SLC44A5: variants seen among roughly 807,000 people sequenced by gnomAD.
SLC44A5 encodes the protein solute carrier family 44 member 5.
SLC44A5 carries 57 observed loss-of-function variants against 101.8 expected under a neutral mutation model. The ratio of observed to expected loss-of-function variants is 0.56; its 90% confidence interval spans 0.45 to 0.70. SLC44A5 has a LOEUF of 0.70. SLC44A5 is among the 30% of genes least tolerant of loss of function. SLC44A5 has a pLI of 0.00. For synonymous variants in SLC44A5, 281 were observed against 290.9 expected (o/e 0.97, Z 0.35); for missense variants, 737 against 853.1 (o/e 0.86, Z 1.70).
At chr1:75,211,601 A>G (rs1646854156) in intron 22 of SLC44A5, 49 bp from the exon 23 acceptor site, 7 of 1,314,890 alleles carry the variant, frequency 5.3e-6, no homozygotes, top group Non-Finnish European at 7.7e-6. Flanking sequence ...CTTTGACCAG[A>G]AGAAGAATAA....
At chr1:75,356,526 A>G (rs1467215669) in intron 3 of SLC44A5, among the ~76,000 whole-genome samples, 2 of 152,096 alleles carry the variant, frequency 1.3e-5, no homozygotes, top group African/African-American at 4.8e-5. Flanking sequence ...AGACTCAAAA[A>G]GCTTAAATGA....
the SLC44A5 span, among the ~76,000 whole-genome samples, chr1:75,628,243 A>G: frequency 1.3e-3 from 200 of 152,176 alleles, no homozygotes; most frequent in African/African-American, 4.5e-3. Context: ...AACCTTCCCA[A>G]TTTGTTTCAC....
At chr1:75,218,354 A>G (rs995876090) in intron 17 of SLC44A5, 136 bp downstream of exon 17, 7 of 1,212,152 alleles carry the variant, frequency 5.8e-6, no homozygotes, top group Non-Finnish European at 8.1e-6. Flanking sequence ...GACAAAACCA[A>G]TGGGCATCCA....
At chr1:75,360,281 T>C (rs1462709424) in intron 3 of SLC44A5, among the ~76,000 whole-genome samples, 4 of 152,292 alleles carry the variant, frequency 2.6e-5, no homozygotes, top group African/African-American at 4.8e-5. Flanking sequence ...TGTTTTGTTC[T>C]AGTAGTTTTA....
At chr1:75,271,581 C>T (rs553446639) in intron 6 of SLC44A5, among the ~76,000 whole-genome samples, 67 of 150,916 alleles carry the variant, frequency 4.4e-4, no homozygotes, top group African/African-American at 1.6e-3. Flanking sequence ...GCTTTCTATT[C>T]CTGAGTTACT....
chr1:75,324,309 A>G, intron 4 of SLC44A5, among the ~76,000 whole-genome samples: 1 of 152,202 alleles, frequency 6.6e-6, no homozygotes, highest in East Asian at 1.9e-4. Context: ...GCTCTGGGTA[A>G]GGATGGTTAA....
At chr1:75,605,293 C>A (rs1675256906) in intron 1 of SLC44A5, among the ~76,000 whole-genome samples, 1 of 152,018 alleles carries the variant, frequency 6.6e-6, no homozygotes, top group Middle Eastern at 3.4e-3. Context: ...AGGACCTGTT[C>A]TGAGTTTCTT....
At chr1:75,410,050 A>ACACAT (rs2101500923) in intron 2 of SLC44A5, among the ~76,000 whole-genome samples, 1 of 152,236 alleles carries the variant, frequency 6.6e-6, no homozygotes, top group South Asian at 2.1e-4. Flanking sequence ...AATAATTCAG[A>ACACAT]TATAATGTGT....
intron 3 of SLC44A5, among the ~76,000 whole-genome samples, chr1:75,391,229 C>A (rs1020534228): frequency 1.1e-4 from 16 of 152,046 alleles, no homozygotes; most frequent in Non-Finnish European, 1.6e-4. Context: ...AAAAAATATT[C>A]CTTGCACATA....
intron 2 of SLC44A5, among the ~76,000 whole-genome samples, chr1:75,456,983 ACAG>A (rs1666219893): frequency 6.6e-6 from 1 of 152,244 alleles, no homozygotes; most frequent in Non-Finnish European, 1.5e-5. Flanking sequence ...GTTATAACAC[ACAG>A]GAGGAAAATA....
intron 3 of SLC44A5, among the ~76,000 whole-genome samples, chr1:75,358,189 G>A (rs1659223114): frequency 6.6e-6 from 1 of 152,140 alleles, no homozygotes; most frequent in African/African-American, 2.4e-5. Context: ...AGTTTGAACA[G>A]TCAGGTTTTT....
chr1:75,327,235 G>A (rs1381867783), intron 4 of SLC44A5, among the ~76,000 whole-genome samples: 1 of 152,012 alleles, frequency 6.6e-6, no homozygotes, highest in Non-Finnish European at 1.5e-5. Flanking sequence ...ATAAATAGAA[G>A]GAGACTTCAA....
At chr1:75,495,828 A>G (rs1451174007) in intron 2 of SLC44A5, among the ~76,000 whole-genome samples, 1 of 152,152 alleles carries the variant, frequency 6.6e-6, no homozygotes, top group Non-Finnish European at 1.5e-5. Flanking sequence ...GTGGGTATAT[A>G]GGATGTGTAT....
At chr1:75,610,175 A>ACT (rs3031477) in intron 1 of SLC44A5, among the ~76,000 whole-genome samples, 2 of 149,974 alleles carry the variant, frequency 1.3e-5, no homozygotes, top group African/African-American at 4.9e-5. Context: ...ACACACACAC[A>ACT]TAGTGAAGTC....
intron 4 of SLC44A5, among the ~76,000 whole-genome samples, chr1:75,321,463 A>G (rs906418786): frequency 6.9e-6 from 1 of 145,686 alleles, no homozygotes; most frequent in Non-Finnish European, 1.5e-5. Context: ...AGAGAGAGAG[A>G]GAGAGAGAGA....
chr1:75,462,176 A>G (rs532562231), intron 2 of SLC44A5, among the ~76,000 whole-genome samples: 65 of 152,328 alleles, frequency 4.3e-4, no homozygotes, highest in African/African-American at 1.4e-3. Flanking sequence ...TCTCCAGTTG[A>G]CTCAGAACAA....
chr1:75,258,349 G>A (rs967141891), intron 6 of SLC44A5, among the ~76,000 whole-genome samples: 9 of 151,944 alleles, frequency 5.9e-5, no homozygotes, highest in African/African-American at 1.5e-4. Flanking sequence ...CTTGAGCTTC[G>A]TCAGGGAAGG....
intron 21 of SLC44A5, 32 bp from the exon 22 acceptor site, chr1:75,213,825 A>G: frequency 6.4e-7 from 1 of 1,562,166 alleles, no homozygotes; most frequent in Non-Finnish European, 8.8e-7. Context: ...TGTATATTAT[A>G]CTTTTGCAAA....
the SLC44A5 span, among the ~76,000 whole-genome samples, chr1:75,703,941 A>C: frequency 6.6e-6 from 1 of 152,110 alleles, no homozygotes; most frequent in East Asian, 1.9e-4. Context: ...TAGTCCCCAC[A>C]TTTTGGGACG....
Sources: gnomAD v4.1 joint callset for allele counts (sites outside exome capture counted in the v4.1 genomes callset) on GRCh38, gnomAD v4.1.1 for gene constraint, MANE v1.5 for transcripts, NCBI Gene and HGNC (gene_info 2026-07-23, HGNC 2026-07-21) for gene names.